Variants in ABRAXAS1 observed in about 807,000 individuals in gnomAD.
ABRAXAS1 encodes BRCA1-A complex subunit Abraxas 1.
A neutral mutation model predicts 38.4 loss-of-function variants in ABRAXAS1; 26 were observed. That is an observed-to-expected ratio of 0.68 (90% CI 0.50 to 0.94). The LOEUF (loss-of-function observed/expected upper bound fraction) is 0.94, where lower values mean the gene tolerates loss of function less well. Among genes scored for constraint, ABRAXAS1 ranks in the 40% least tolerant of loss-of-function variants. The pLI, the probability that ABRAXAS1 is intolerant of heterozygous loss-of-function variation, is 0.00. For synonymous variants in ABRAXAS1, 144 were observed against 165.5 expected (o/e 0.87, Z 1.00); for missense variants, 438 against 481.9 (o/e 0.91, Z 0.85).
intron 5 of ABRAXAS1, chr4:83,469,624 T>C (rs1217064505): frequency 6.1e-6 from 1 of 163,080 alleles, no homozygotes; most frequent in South Asian, 1.6e-4. Flanking sequence ...ATGTGCTTAG[T>C]ATAATAGTGT....
In ABRAXAS1 at chr4:83,459,702, A is replaced by G; in HGVS notation, c.*2767T>C. The G allele has an allele frequency of 6.4e-7, 1 of 1,560,350 alleles. No individual in the cohort carries two copies. Among genetic ancestry groups the G allele is most frequent in the African/African-American group, 1.4e-5 (1 of 73,578 alleles). On this transcript the variant is annotated 3_prime_UTR_variant, in exon 9 of 9. Transcript: ENST00000321945. Reference sequence around the variant, plus strand: ...TTACACATTCAGAAATAAATAACAGATACTTTTTTTTCCCCTCCACATAAA... The same window carrying G: ...TTACACATTCAGAAATAAATAACAGGTACTTTTTTTTCCCCTCCACATAAA...
intron 4 of ABRAXAS1, 22 bp from the exon 5 acceptor site, chr4:83,470,418 A>G (rs1231983180): frequency 5.8e-6 from 9 of 1,557,064 alleles, no homozygotes; most frequent in Non-Finnish European, 7.9e-6. Context: ...AATAAAAAGG[A>G]TATACATCTT....
intron 2 of ABRAXAS1, among the ~76,000 whole-genome samples, chr4:83,480,644 GT>G (rs1243623897): frequency 1.3e-5 from 2 of 152,090 alleles, no homozygotes; most frequent in Non-Finnish European, 2.9e-5. Flanking sequence ...CCTTACAAGT[GT>G]TCATACCCTG....
chr4:83,469,973 A>G (rs1722520127), intron 5 of ABRAXAS1: 1 of 377,460 alleles, frequency 2.6e-6, no homozygotes, highest in Non-Finnish European at 4.7e-6. Context: ...ATAAGAGCAA[A>G]TCTTCAGTGC....
chr4:83,482,336 C>G, intron 1 of ABRAXAS1, 92 bp from the exon 2 acceptor site: 2 of 685,214 alleles, frequency 2.9e-6, no homozygotes, highest in Admixed American at 3.1e-5. Context: ...ACTATGTATA[C>G]AATATGTGCT....
chr4:83,482,682 T>C (rs1723041271), intron 1 of ABRAXAS1, among the ~76,000 whole-genome samples: 1 of 151,248 alleles, frequency 6.6e-6, no homozygotes, highest in African/African-American at 2.4e-5. Flanking sequence ...GGCGATAGAG[T>C]GAGACTCTGC....
rs1723021960 is a variant in ABRAXAS1, at chr4:83,482,219, T to G, written c.113A>C (p.Lys38Thr). 2 of 1,611,862 alleles carry G rather than the reference T, an allele frequency of 1.2e-6. No individual in the cohort carries two copies. The highest frequency in any genetic ancestry group is 1.7e-6 in the Non-Finnish European group (2 of 1,179,066). ...AGTAATGCTGTTCTTGGCTTCACCT[T>G]TTACTTCCCCAAGAAGAAAACCTTC... ...DTEGFLLGEV[K>T]GEAKNSITDS... Residue 38 changes from lysine to threonine, a missense_variant, in exon 2 of 9, where the codon AAA becomes ACA. This residue lies in a region of ABRAXAS1 where 194 missense variants were observed against 269.0 expected (regional missense o/e 0.72). Transcript: ENST00000321945.
chr4:83,471,191 C>CTTTTTTTTTTTTTTTTTTTTTTTT (rs869128932), intron 4 of ABRAXAS1, among the ~76,000 whole-genome samples: 2 of 58,170 alleles, frequency 3.4e-5, no homozygotes, highest in African/African-American at 1.0e-4. Flanking sequence ...AAAGAAACAT[C>CTTTTTTTTTTTTTTTTTTTTTTTT]TTTTTTTTTT....
intron 7 of ABRAXAS1, chr4:83,463,829 CT>C (rs1722243283): frequency 3.1e-6 from 1 of 322,052 alleles, no homozygotes; most frequent in South Asian, 1.3e-4. Context: ...CATGTAACTT[CT>C]CATTTATACA....
At chr4:83,462,951 G>T in intron 8 of ABRAXAS1, 49 bp from the exon 9 acceptor site, 1 of 1,265,574 alleles carries the variant, frequency 7.9e-7, no homozygotes, top group Non-Finnish European at 1.1e-6. Flanking sequence ...CTTCTACAAA[G>T]CTTTTATAAT....
intron 3 of ABRAXAS1, among the ~76,000 whole-genome samples, chr4:83,473,727 C>T (rs2110042504): frequency 6.6e-6 from 1 of 152,028 alleles, no homozygotes; most frequent in South Asian, 2.1e-4. Flanking sequence ...TGTTACCAGG[C>T]TGGTCTCCAA....
chr4:83,482,345 C>A, intron 1 of ABRAXAS1, 101 bp from the exon 2 acceptor site: 1 of 615,098 alleles, frequency 1.6e-6, no homozygotes, highest in Non-Finnish European at 2.8e-6. Flanking sequence ...ACAATATGTG[C>A]TACCAGTCGG....
chr4:83,467,609 A>G (rs1722421460), intron 6 of ABRAXAS1, 71 bp from the exon 7 acceptor site: 7 of 767,250 alleles, frequency 9.1e-6, no homozygotes, highest in South Asian at 7.4e-5. Flanking sequence ...AAACTTATTC[A>G]TTGTCAAGGA....
intron 7 of ABRAXAS1, chr4:83,466,764 C>G (rs1722377271): frequency 6.6e-6 from 1 of 152,260 alleles, no homozygotes; most frequent in Admixed American, 6.5e-5. Flanking sequence ...GTCTCGATCT[C>G]CTGATCTCGT....
At chr4:83,463,671 G>C in intron 7 of ABRAXAS1, 63 bp from the exon 8 acceptor site, 1 of 830,186 alleles carries the variant, frequency 1.2e-6, no homozygotes, top group Non-Finnish European at 1.8e-6. Context: ...ATACAGTCTA[G>C]ATTCACAAAT....
intron 5 of ABRAXAS1, 186 bp from the exon 6 acceptor site, chr4:83,469,337 A>G (rs1722498600): frequency 3.6e-6 from 2 of 559,572 alleles, no homozygotes; most frequent in Non-Finnish European, 6.3e-6. Flanking sequence ...TTTTTGAGAC[A>G]GGGTCTCACT....
At chr4:83,472,310 G>T (rs1722614146) in intron 3 of ABRAXAS1, 22 bp from the exon 4 acceptor site, 1 of 1,414,860 alleles carries the variant, frequency 7.1e-7, no homozygotes, top group South Asian at 1.4e-5. Flanking sequence ...AAAATTAAAG[G>T]TATTTCAAAT....
rs552376461 is a variant in ABRAXAS1 at position 83,461,125 on chromosome 4, T to C, written c.*1344A>G. 222 of 1,613,800 alleles carry C rather than the reference T, an allele frequency of 1.4e-4. 1 individual carries two copies. The South Asian group carries it at 2.4e-3, about 17-fold the overall frequency. ...ACTTTAATTATCTCTTTACAGGGTT[T>C]ATGCCAGTTACATACAAGGATCCTG... On this transcript the variant is annotated 3_prime_UTR_variant, in exon 9 of 9. Transcript: ENST00000321945.
chr4:83,461,626 G>A lies in ABRAXAS1; in HGVS notation c.*843C>T. Reference sequence around the variant, plus strand: ...ACGAGTCTACCCTCAAACCAGTAGTGTCTTTTACATGAAGAGATGATTTAC... The same window carrying A: ...ACGAGTCTACCCTCAAACCAGTAGTATCTTTTACATGAAGAGATGATTTAC... On this transcript the variant is annotated 3_prime_UTR_variant, in exon 9 of 9. Coordinates refer to ENST00000321945, the MANE Select transcript of ABRAXAS1 (RefSeq NM_139076.3). 3.6e-6 allele frequency: 1 copy of A among 277,128 alleles called. No individual in the cohort carries two copies. The highest frequency in any genetic ancestry group is 7.0e-6 in the Non-Finnish European group (1 of 143,364). The allele number at this position is 277,128 out of a possible 1,614,324, so 17.2% of individuals were successfully genotyped here.
Sources: gnomAD v4.1 joint callset for allele counts (sites outside exome capture counted in the v4.1 genomes callset) on GRCh38, gnomAD v4.1.1 for gene constraint, gnomAD v4.1.1 regional missense constraint, MANE v1.5 for transcripts, NCBI Gene and HGNC (gene_info 2026-07-23, HGNC 2026-07-21) for gene names.